Variants in SLC25A6 observed in about 807,000 individuals in gnomAD.
The protein encoded by SLC25A6 is solute carrier family 25 member 6, also known as ADP/ATP translocase 3.
SLC25A6 carries 9 observed loss-of-function variants against 25.7 expected under a neutral mutation model. The observed-to-expected ratio is 0.35, with a 90% confidence interval of 0.21 to 0.61. SLC25A6 has a LOEUF of 0.61. SLC25A6 is among the 20% of genes least tolerant of loss of function. SLC25A6 has a pLI of 0.76. For missense variants in SLC25A6, 404 were observed against 440.5 expected (o/e 0.92, Z 0.74); for synonymous variants, 223 against 197.0 (o/e 1.13, Z -1.11).
intron 3 of SLC25A6, among the ~76,000 whole-genome samples, 157 bp downstream of exon 3, chrX:1,387,121 GA>G: frequency 6.6e-6 from 1 of 152,248 alleles, no homozygotes; most frequent in South Asian, 2.1e-4. Context: ...CATCGTTCAG[GA>G]AAATCCTTCC....
intron 1 of SLC25A6, chrX:1,390,101 T>C (rs2089382393): frequency 3.6e-6 from 1 of 274,750 alleles, no homozygotes; most frequent in Non-Finnish European, 6.9e-6. Flanking sequence ...AGCCTCCAAC[T>C]CCTGGATTAA....
intron 1 of SLC25A6, 33 bp downstream of exon 1, chrX:1,391,866 T>C (rs760148769): frequency 6.6e-7 from 1 of 1,521,608 alleles, no homozygotes; most frequent in South Asian, 1.2e-5. Flanking sequence ...TCCCGTCCCC[T>C]AGTCCCCGGA....
intron 1 of SLC25A6, among the ~76,000 whole-genome samples, chrX:1,390,577 C>CAAA (rs760342805): frequency 2.6e-5 from 3 of 113,468 alleles, no homozygotes; most frequent in Non-Finnish European, 5.5e-5. Flanking sequence ...GACTCCATCT[C>CAAA]AAAAAAAAAA....
At chrX:1,387,252 G>C in intron 3 of SLC25A6, 27 bp downstream of exon 3, 1 of 1,607,372 alleles carries the variant, frequency 6.2e-7, no homozygotes, top group Middle Eastern at 1.9e-4. Context: ...CTTCCCGGCA[G>C]CAAGGGTCCC....
At position 1,389,578 on chromosome X, in the gene SLC25A6, G is replaced by A. The variant is rs1257367127; in HGVS notation, c.261C>T (p.Leu87=). The change falls in exon 2 of 4, where the codon CTC becomes CTT. Residue 87 remains leucine, a synonymous_variant. Transcript: ENST00000381401. ...NVIRYFPTQA[L]NFAFKDKYKQ... ...TGTACTTATCCTTGAAGGCGAAGTT[G>A]AGGGCTTGAGTGGGGAAGTAGCGAA... is the stretch of plus-strand genomic sequence containing the variant. 6.2e-7 allele frequency: 1 copy of A among 1,614,198 alleles called. No individual in the cohort carries two copies. The highest frequency in any genetic ancestry group is 2.2e-5 in the East Asian group (1 of 44,876).
At chrX:1,389,821 C>G in intron 1 of SLC25A6, 94 bp from the exon 2 acceptor site, 1 of 1,545,164 alleles carries the variant, frequency 6.5e-7, no homozygotes, top group South Asian at 1.2e-5. Flanking sequence ...ACACAAGTCA[C>G]TCTTGTTGCC....
chrX:1,387,418 G>A lies in SLC25A6; in HGVS notation c.600C>T (p.Gly200=), dbSNP rs1252312794. The A allele has an allele frequency of 9.3e-6, 15 of 1,612,454 alleles. No individual in the cohort carries two copies. The highest frequency in any genetic ancestry group is 1.3e-5 in the African/African-American group (1 of 75,034). Residue 200 remains glycine (G), a splice_region_variant and synonymous_variant, in exon 3 of 4, where the codon GGC becomes GGT. Coordinates refer to ENST00000381401, the MANE Select transcript of SLC25A6 (RefSeq NM_001636.4). ...GCGTGTTCTTGGGGTCGGGGAGCATGCCTGCGCGGGAACGGCACGTCACCG... is the reference window on the plus strand; with the variant it reads ...GCGTGTTCTTGGGGTCGGGGAGCATACCTGCGCGGGAACGGCACGTCACCG... ...AYFGVYDTAK[G]MLPDPKNTHI... is the part of the protein sequence containing the mutation.
intron 1 of SLC25A6, 65 bp downstream of exon 1, chrX:1,391,834 C>A: frequency 3.8e-6 from 5 of 1,325,654 alleles, no homozygotes; most frequent in Non-Finnish European, 5.3e-6. Flanking sequence ...GCCCACGTCC[C>A]CGCCCGACCC....
Position 1,392,107 on chromosome X carries a change from CG to C in SLC25A6, c.-99del. The C allele has an allele frequency of 1.1e-6, 1 of 885,684 alleles. No homozygotes were observed. The highest frequency in any genetic ancestry group is 1.8e-6 in the Non-Finnish European group (1 of 560,010). 54.9% of individuals were successfully genotyped at this position (885,684 alleles called of 1,614,324 possible). ...GGCTCAGCCCTGCCGCCGCCTGGAC[CG>C]AAAGGACGGAGCAGCCACCGCGCAG... is the stretch of plus-strand genomic sequence containing the variant. On this transcript the variant is annotated 5_prime_UTR_variant, in exon 1 of 4. Transcript: ENST00000381401.
rs1280966278 is a variant in SLC25A6, at chrX:1,392,075, C to T, written c.-66G>A. 8.1e-7 allele frequency: 1 copy of T among 1,238,408 alleles called. No individual in the cohort carries two copies. Among genetic ancestry groups the T allele is most frequent in the Non-Finnish European group, 1.2e-6 (1 of 867,536 alleles). 76.7% of individuals were successfully genotyped at this position (1,238,408 alleles called of 1,614,324 possible). On this transcript the variant is annotated 5_prime_UTR_variant, in exon 1 of 4. Transcript: ENST00000381401. ...ACGGGCGCGGAGAGTGAATGGAGGG[C>T]GTCGCTGGCTCAGCCCTGCCGCCGC...
Position 1,389,664 on chromosome X carries a change from C to G in SLC25A6, c.175G>C (p.Val59Leu). The G allele has an allele frequency of 1.2e-6, 2 of 1,613,938 alleles. No individual in the cohort carries two copies. The highest frequency in any genetic ancestry group is 1.7e-6 in the Non-Finnish European group (2 of 1,179,958). The change falls in exon 2 of 4, where the codon GTC (valine) becomes CTC (leucine). Residue 59 changes from valine to leucine, a missense_variant. Transcript: ENST00000381401. ...ACGCCCTGCTCCTTGGGGATGCGGACAATGCAGTCCACGATGCCCTTGTAC... is the reference window on the plus strand; with the variant it reads ...ACGCCCTGCTCCTTGGGGATGCGGAGAATGCAGTCCACGATGCCCTTGTAC... ...KQYKGIVDCI[V>L]RIPKEQGVLS...
chrX:1,386,997 C>T (rs747086313), intron 3 of SLC25A6, among the ~76,000 whole-genome samples: 16 of 152,164 alleles, frequency 1.1e-4, no homozygotes, highest in East Asian at 9.7e-4. Context: ...ATCTCCACCC[C>T]GGGGTCCATG....
chrX:1,389,441 G>T lies in SLC25A6; in HGVS notation c.398C>A (p.Pro133Gln), dbSNP rs776487550. ...CAGGCGGGTTCTGGCGAAATCCAGC[G>T]GGTACACGAAGCAGAGGGAGGTCGC... ...AGATSLCFVY[P>Q]LDFARTRLAA... The change falls in exon 2 of 4, where the codon CCG becomes CAG. Residue 133 changes from proline (P) to glutamine (Q), a missense_variant. Pro to Gln is a moderately conservative substitution (Grantham distance 76). Transcript: ENST00000381401. 6.2e-7 allele frequency: 1 copy of T among 1,613,880 alleles called. No individual in the cohort carries two copies.
At position 1,389,384 on chromosome X, in the gene SLC25A6, C is replaced by A. The variant is rs1360057739; in HGVS notation, c.455G>T (p.Arg152Leu). The change falls in exon 2 of 4, where the codon CGC becomes CTC. Residue 152 changes from arginine (R) to leucine (L), a missense_variant. By Grantham distance (102) the Arg-to-Leu change is moderately radical. Coordinates refer to ENST00000381401, the MANE Select transcript of SLC25A6 (RefSeq NM_001636.4). ...AADVGKSGTE[R>L]EFRGLGDCLV... ...GCAGTCTCCCAGGCCTCGGAACTCG[C>A]GCTCTGTGCCTGACTTTCCCACGTC... is the stretch of plus-strand genomic sequence containing the variant. 1.9e-6 allele frequency: 3 copies of A among 1,613,768 alleles called. No homozygotes were observed. In the South Asian group the frequency reaches 3.3e-5, roughly 18 times the overall value.
intron 2 of SLC25A6, among the ~76,000 whole-genome samples, chrX:1,387,909 G>A (rs1377133114): frequency 3.7e-4 from 56 of 152,028 alleles, no homozygotes; most frequent in Admixed American, 4.6e-4. Flanking sequence ...CAGACACACG[G>A]AGGGATGACC....
At chrX:1,391,157 G>T (rs1417228676) in intron 1 of SLC25A6, among the ~76,000 whole-genome samples, 2 of 151,950 alleles carry the variant, frequency 1.3e-5, no homozygotes, top group Non-Finnish European at 2.9e-5. Flanking sequence ...TTGAGGTGAG[G>T]TCTTGCTGTG....
At chrX:1,389,002 A>G (rs1286005384) in intron 2 of SLC25A6, among the ~76,000 whole-genome samples, 2 of 151,122 alleles carry the variant, frequency 1.3e-5, no homozygotes, top group Admixed American at 1.3e-4. Context: ...ATTCTGTGAT[A>G]GCAGCCTGAA....
chrX:1,388,340 T>C (rs2089355113), intron 2 of SLC25A6, among the ~76,000 whole-genome samples: 2 of 145,102 alleles, frequency 1.4e-5, no homozygotes, highest in Admixed American at 6.9e-5. Flanking sequence ...GACTAAGACA[T>C]CTCATCAGAA....
In SLC25A6 at chrX:1,389,771, A is replaced by G. The variant is rs749492550; in HGVS notation, c.112-44T>C. The G allele has an allele frequency of 2.5e-6, 4 of 1,594,852 alleles. 1 individual carries two copies. The South Asian group carries it at 4.4e-5, about 18-fold the overall frequency. The stretch of plus-strand genomic sequence containing the variant: ...GTTCAGACCAGACCCAGGGCCAACC[A>G]CCCAGAAACATCCCAGCTACAGGGT... On this transcript the variant is annotated intron_variant, in intron 1 of 3. Coordinates refer to ENST00000381401, the MANE Select transcript of SLC25A6 (RefSeq NM_001636.4).
Sources: gnomAD v4.1 joint callset for allele counts (sites outside exome capture counted in the v4.1 genomes callset) on GRCh38, gnomAD v4.1.1 for gene constraint, MANE v1.5 for transcripts, NCBI Gene and HGNC (gene_info 2026-07-23, HGNC 2026-07-21) for gene names.